LYPD6: variants seen among roughly 807,000 people sequenced by gnomAD.
LYPD6 encodes LY6/PLAUR domain containing 6, also known as ly6/PLAUR domain-containing protein 6.
LYPD6 carries 15 observed loss-of-function variants against 22.7 expected under a neutral mutation model. The ratio of observed to expected loss-of-function variants is 0.66; its 90% confidence interval spans 0.44 to 1.02. LYPD6 has a LOEUF of 1.02. LYPD6 is among the 50% of genes least tolerant of loss of function. The pLI, the probability that LYPD6 is intolerant of heterozygous loss-of-function variation, is 0.00. For missense variants in LYPD6, 189 were observed against 208.4 expected (o/e 0.91, Z 0.57); for synonymous variants, 72 against 77.5 (o/e 0.93, Z 0.37).
chr2:149,433,654 A>G (rs1683365904), intron 1 of LYPD6, among the ~76,000 whole-genome samples: 1 of 152,148 alleles, frequency 6.6e-6, no homozygotes, highest in Non-Finnish European at 1.5e-5. Flanking sequence ...GCTGTACTCC[A>G]GTCCCTAGTT....
chr2:149,453,816 C>CT (rs1680891638), intron 3 of LYPD6, among the ~76,000 whole-genome samples: 1 of 152,196 alleles, frequency 6.6e-6, no homozygotes, highest in Non-Finnish European at 1.5e-5. Flanking sequence ...AATTTTCTTC[C>CT]TTTTAGGCAA....
At chr2:149,356,145 T>A (rs1335142588) in intron 1 of LYPD6, among the ~76,000 whole-genome samples, 3 of 152,008 alleles carry the variant, frequency 2.0e-5, no homozygotes, top group Non-Finnish European at 4.4e-5. Context: ...AAAACAAGTA[T>A]GCAAACAAGG....
chr2:149,483,687 C>A, the LYPD6 span, among the ~76,000 whole-genome samples: 1 of 152,160 alleles, frequency 6.6e-6, no homozygotes, highest in African/African-American at 2.4e-5. Context: ...ATATGGTAAG[C>A]AGCTCGACTT....
At chr2:149,384,936 G>A (rs1320177416) in intron 1 of LYPD6, among the ~76,000 whole-genome samples, 5 of 139,380 alleles carry the variant, frequency 3.6e-5, no homozygotes, top group African/African-American at 1.1e-4. Flanking sequence ...GTGTCCATGT[G>A]TTCTCATTGT....
the LYPD6 span, among the ~76,000 whole-genome samples, chr2:149,485,935 G>T: frequency 6.6e-6 from 1 of 152,164 alleles, no homozygotes; most frequent in African/African-American, 2.4e-5. Context: ...TGGTGAAGGA[G>T]TAGACATTGA....
chr2:149,365,132 A>G (rs1213394378), intron 1 of LYPD6, among the ~76,000 whole-genome samples: 1 of 152,220 alleles, frequency 6.6e-6, no homozygotes, highest in Non-Finnish European at 1.5e-5. Flanking sequence ...AATTCACAGT[A>G]GTGTCACTTC....
rs578120526 is a variant in LYPD6, at chr2:149,408,038, CA to C, written c.-71-29596del. On this transcript the variant is annotated intron_variant, in intron 1 of 4. Transcript: ENST00000334166. ...GCCTGGGTATCAGCAGCGGTGTTTG[CA>C]AAACCGCGGATTTTCGTGATCTGCG... 5.4e-4 allele frequency among the ~76,000 whole-genome samples: 82 copies of C among 152,284 alleles called. 3 individuals are homozygous for C. In the South Asian group the frequency reaches 0.017, roughly 31 times the overall value.
chr2:149,476,699 A>G (rs1681453350), downstream of LYPD6, among the ~76,000 whole-genome samples: 2 of 152,376 alleles, frequency 1.3e-5, no homozygotes, highest in Middle Eastern at 3.4e-3. Context: ...AGAAGAATTC[A>G]GAATAGACTT....
chr2:149,406,642 G>T (rs1396814165), intron 1 of LYPD6, among the ~76,000 whole-genome samples: 2 of 152,070 alleles, frequency 1.3e-5, no homozygotes, highest in Non-Finnish European at 2.9e-5. Flanking sequence ...ACGTGAGATG[G>T]GTTTCCTGAA....
intron 3 of LYPD6, among the ~76,000 whole-genome samples, chr2:149,456,316 G>A (rs532337088): frequency 2.6e-4 from 40 of 152,004 alleles, no homozygotes; most frequent in Non-Finnish European, 5.1e-4. Flanking sequence ...ATAGTAAATA[G>A]CATGATGGAC....
intron 1 of LYPD6, among the ~76,000 whole-genome samples, chr2:149,381,987 T>C (rs1250625786): frequency 6.6e-6 from 1 of 152,182 alleles, no homozygotes; most frequent in African/African-American, 2.4e-5. Context: ...TGAATAGTCC[T>C]AGAGAGAAAA....
intron 1 of LYPD6, among the ~76,000 whole-genome samples, chr2:149,337,143 G>A (rs1368931601): frequency 1.3e-5 from 2 of 152,230 alleles, no homozygotes; most frequent in East Asian, 1.9e-4. Flanking sequence ...GACAGGCACC[G>A]AATCTGTTTC....
At chr2:149,351,901 C>A (rs964917406) in intron 1 of LYPD6, among the ~76,000 whole-genome samples, 1 of 152,050 alleles carries the variant, frequency 6.6e-6, no homozygotes, top group South Asian at 2.1e-4. Flanking sequence ...TTTTGTCTCT[C>A]GGTGGTCAGT....
At chr2:149,429,275 A>T (rs1683261609) in intron 1 of LYPD6, among the ~76,000 whole-genome samples, 1 of 152,188 alleles carries the variant, frequency 6.6e-6, no homozygotes, top group African/African-American at 2.4e-5. Context: ...TTGAAAAGAG[A>T]CTTCTGGAGA....
chr2:149,373,891 G>C (rs1681863450), intron 1 of LYPD6, among the ~76,000 whole-genome samples: 2 of 152,150 alleles, frequency 1.3e-5, no homozygotes, highest in African/African-American at 2.4e-5. Context: ...AGCTATTTTA[G>C]TGAAAGACAT....
At chr2:149,381,519 T>G (rs1009184228) in intron 1 of LYPD6, among the ~76,000 whole-genome samples, 2 of 152,136 alleles carry the variant, frequency 1.3e-5, no homozygotes, top group African/African-American at 2.4e-5. Flanking sequence ...TTCTGATTGC[T>G]TCAGATTTTT....
At chr2:149,438,389 A>G (rs559370194) in intron 2 of LYPD6, among the ~76,000 whole-genome samples, 3 of 152,358 alleles carry the variant, frequency 2.0e-5, no homozygotes, top group Admixed American at 2.0e-4. Context: ...GCATTCAGCA[A>G]GAACTTCAAG....
chr2:149,426,911 G>T (rs550880197), intron 1 of LYPD6, among the ~76,000 whole-genome samples: 1 of 152,168 alleles, frequency 6.6e-6, no homozygotes, highest in African/African-American at 2.4e-5. Context: ...AATGATGACA[G>T]AGTGGCCCAA....
rs1286682397 is a variant in LYPD6, at chr2:149,403,459, A to G, written c.-71-34179A>G. On this transcript the variant is annotated intron_variant, in intron 1 of 4. Transcript: ENST00000334166. ...GAGATGGTATCTCATTGTGGTTTTGATTTGCATTTCTCTGATGGCCAGTGA... is the reference window on the plus strand; with the variant it reads ...GAGATGGTATCTCATTGTGGTTTTGGTTTGCATTTCTCTGATGGCCAGTGA... 1.4e-3 allele frequency among the ~76,000 whole-genome samples: 202 copies of G among 148,534 alleles called. 1 individual carries two copies. The highest frequency in any genetic ancestry group is 1.7e-3 in the Non-Finnish European group (111 of 67,100).
Sources: gnomAD v4.1 joint callset for allele counts (sites outside exome capture counted in the v4.1 genomes callset) on GRCh38, gnomAD v4.1.1 for gene constraint, MANE v1.5 for transcripts, NCBI Gene and HGNC (gene_info 2026-07-23, HGNC 2026-07-21) for gene names.